TVP23A: variants seen among roughly 807,000 people sequenced by gnomAD.
TVP23A encodes Golgi apparatus membrane protein TVP23 homolog A.
A neutral mutation model predicts 31.7 loss-of-function variants in TVP23A; 21 were observed. That is an observed-to-expected ratio of 0.66 (90% confidence interval 0.47 to 0.95). The LOEUF (loss-of-function observed/expected upper bound fraction) is 0.95. TVP23A is among the 40% of genes least tolerant of loss of function. The pLI, the probability that TVP23A is intolerant of heterozygous loss-of-function variation, is 0.00. For missense variants in TVP23A, 279 were observed against 255.6 expected, an observed-to-expected ratio of 1.09 and a Z score of -0.62; for synonymous variants, 104 against 96.0, an observed-to-expected ratio of 1.08 and a Z score of -0.49.
exon 9 of TVP23A, chr16:10,761,471 C>T (rs1339049874): frequency 6.2e-7 from 1 of 1,613,330 alleles, no homozygotes; most frequent in Non-Finnish European, 8.5e-7. Context: ...GTCCTAAGTG[C>T]AAGGTGAGGG....
At chr16:10,784,580 A>AT (rs1376149122) in intron 2 of TVP23A, among the ~76,000 whole-genome samples, 1 of 151,872 alleles carries the variant, frequency 6.6e-6, no homozygotes, top group Non-Finnish European at 1.5e-5. Context: ...AAATAAATAA[A>AT]GAAGAAAGAA....
At chr16:10,787,570 C>T (rs549733545) in intron 2 of TVP23A, among the ~76,000 whole-genome samples, 2 of 152,076 alleles carry the variant, frequency 1.3e-5, no homozygotes, top group Non-Finnish European at 2.9e-5. Context: ...CTTCCGTGAG[C>T]GCTATGTGAA....
chr16:10,794,706 G>A (rs1286832611), intron 2 of TVP23A, among the ~76,000 whole-genome samples: 1 of 152,158 alleles, frequency 6.6e-6, no homozygotes, highest in Non-Finnish European at 1.5e-5. Flanking sequence ...GGGGGCAAGT[G>A]CTGAAATCTG....
At chr16:10,787,549 G>A (rs183682219) in intron 2 of TVP23A, among the ~76,000 whole-genome samples, 1 of 152,160 alleles carries the variant, frequency 6.6e-6, no homozygotes, top group Non-Finnish European at 1.5e-5. Flanking sequence ...GATTAGGGTT[G>A]GGGGGGCAGC....
At chr16:10,800,405 G>A (rs2033639691) in intron 2 of TVP23A, 1 of 152,056 alleles carries the variant, frequency 6.6e-6, no homozygotes, top group Non-Finnish European at 1.5e-5. Flanking sequence ...AATATTTCTG[G>A]AACCAGGGTG....
intron 2 of TVP23A, among the ~76,000 whole-genome samples, chr16:10,810,816 C>T (rs865931444): frequency 6.6e-6 from 1 of 152,158 alleles, no homozygotes; most frequent in Non-Finnish European, 1.5e-5. Flanking sequence ...ACACTGTAGG[C>T]TCCCCTGGTT....
At chr16:10,758,867 C>T (rs1348930310), downstream of TVP23A, among the ~76,000 whole-genome samples, 1 of 152,178 alleles carries the variant, frequency 6.6e-6, no homozygotes, top group Non-Finnish European at 1.5e-5. Context: ...TGGCTGTACT[C>T]CAAGGCCCAT....
intron 2 of TVP23A, among the ~76,000 whole-genome samples, chr16:10,790,065 G>A (rs1261419394): frequency 6.6e-6 from 1 of 152,126 alleles, no homozygotes; most frequent in East Asian, 1.9e-4. Flanking sequence ...GTCTTATAAT[G>A]GCAGCCCTTA....
In TVP23A at chr16:10,767,846, C is replaced by G. The variant is rs1372571620; in HGVS notation, c.*1256G>C. 6.5e-6 allele frequency: 7 copies of G among 1,083,594 alleles called. No individual in the cohort carries two copies. Among genetic ancestry groups the G allele is most frequent in the Non-Finnish European group, 9.9e-6 (7 of 708,356 alleles). The allele number at this position is 1,083,594 out of a possible 1,614,324, so 67.1% of individuals were successfully genotyped here. On this transcript the variant is annotated 3_prime_UTR_variant, in exon 8 of 8. Transcript: ENST00000299866. This position sits in a 1 kb window ranked among gnomAD's most constrained non-coding sequence, Gnocchi z 4.6. Reference sequence around the variant, plus strand: ...TTCTTCATTACGAGTGAAGCGGGCTCAAGATCTTCCCATTGTCACCAGCAC... The same window carrying G: ...TTCTTCATTACGAGTGAAGCGGGCTGAAGATCTTCCCATTGTCACCAGCAC...
At chr16:10,776,332 G>A (rs1446649905) in intron 2 of TVP23A, among the ~76,000 whole-genome samples, 6 of 151,992 alleles carry the variant, frequency 3.9e-5, no homozygotes, top group Non-Finnish European at 8.8e-5. Flanking sequence ...CCAAGATCAC[G>A]CCACTGCACT....
chr16:10,793,491 T>A (rs1314882634), intron 2 of TVP23A, among the ~76,000 whole-genome samples: 1 of 152,154 alleles, frequency 6.6e-6, no homozygotes, highest in African/African-American at 2.4e-5. Flanking sequence ...CTGCCACATT[T>A]TCAGGTACTT....
At chr16:10,781,513 C>T (rs565535601) in intron 2 of TVP23A, among the ~76,000 whole-genome samples, 14 of 152,224 alleles carry the variant, frequency 9.2e-5, no homozygotes, top group Admixed American at 5.9e-4. Flanking sequence ...TCTTCCTCCC[C>T]GGAGGGAAGC....
At chr16:10,762,720 A>T (rs1242122745), downstream of TVP23A, among the ~76,000 whole-genome samples, 1 of 151,832 alleles carries the variant, frequency 6.6e-6, no homozygotes, top group Non-Finnish European at 1.5e-5. Context: ...TTTGTCAGGG[A>T]ACCAAGGCCA....
chr16:10,798,159 C>A (rs1381588474), intron 2 of TVP23A, among the ~76,000 whole-genome samples: 1 of 151,700 alleles, frequency 6.6e-6, no homozygotes. Flanking sequence ...ACGGGTTTCA[C>A]CATGTTAGCC....
At chr16:10,811,345 T>G (rs2034190824) in intron 2 of TVP23A, among the ~76,000 whole-genome samples, 1 of 152,190 alleles carries the variant, frequency 6.6e-6, no homozygotes, top group African/African-American at 2.4e-5. Flanking sequence ...AATGGCTTAC[T>G]GCAGCCTTGA....
downstream of TVP23A, chr16:10,761,876 T>G (rs755568802): frequency 6.3e-7 from 1 of 1,598,420 alleles, no homozygotes. Flanking sequence ...GACCCCAGTG[T>G]GGGGCGGCAC....
chr16:10,809,230 A>T (rs773959529), intron 2 of TVP23A, among the ~76,000 whole-genome samples: 3 of 152,218 alleles, frequency 2.0e-5, no homozygotes, highest in Non-Finnish European at 4.4e-5. Context: ...AGAAAAGAAA[A>T]GTGGGTACCC....
chr16:10,803,232 C>A (rs965872630), intron 2 of TVP23A, among the ~76,000 whole-genome samples: 1 of 127,276 alleles, frequency 7.9e-6, no homozygotes, highest in East Asian at 2.6e-4. Context: ...TGCAGTGAGC[C>A]GAGATCGCGC....
rs146234124 is a variant in TVP23A, at chr16:10,809,769, C to G, written c.89+8334G>C. 7.9e-4 allele frequency among the ~76,000 whole-genome samples: 120 copies of G among 152,278 alleles called. 1 individual carries two copies. The highest frequency in any genetic ancestry group is 2.6e-3 in the African/African-American group (108 of 41,552). On this transcript the variant is annotated intron_variant, in intron 2 of 7. Transcript: ENST00000299866. ...AGGTCTGTCTGACCTAAAGCCCAGG[C>G]TCCTCCTGCATCCCAAGGCAGCTGG...
Sources: gnomAD v4.1 joint callset for allele counts (sites outside exome capture counted in the v4.1 genomes callset) on GRCh38, gnomAD v4.1.1 for gene constraint, Gnocchi (gnomAD v3.1) non-coding constraint, MANE v1.5 for transcripts, NCBI Gene and HGNC (gene_info 2026-07-23, HGNC 2026-07-21) for gene names.